The following SPTLC3 variants were observed in gnomAD, a reference collection of about 807,000 sequenced individuals.
SPTLC3 encodes serine palmitoyltransferase 3.
SPTLC3 carries 36 observed loss-of-function variants against 59.3 expected under a neutral mutation model. The ratio of observed to expected loss-of-function variants is 0.61; its 90% CI spans 0.47 to 0.80. The LOEUF is 0.80. SPTLC3 is among the 30% of genes least tolerant of loss of function. SPTLC3 has a pLI of 0.00. For synonymous variants in SPTLC3, 257 were observed against 240.8 expected, an observed-to-expected ratio of 1.07 and a Z score of -0.62; for missense variants, 625 against 685.1, an observed-to-expected ratio of 0.91 and a Z score of 0.98.
intron 1 of SPTLC3, among the ~76,000 whole-genome samples, chr20:13,021,331 T>G (rs1985870780): frequency 6.6e-6 from 1 of 152,182 alleles, no homozygotes; most frequent in Admixed American, 6.5e-5. Flanking sequence ...GATCTGATCT[T>G]GTTTCATCAT....
intron 6 of SPTLC3, among the ~76,000 whole-genome samples, chr20:13,106,746 A>G (rs1200111113): frequency 6.6e-6 from 1 of 152,192 alleles, no homozygotes; most frequent in African/African-American, 2.4e-5. Context: ...CCCAGGGCCA[A>G]CCTGAGACCA....
intron 9 of SPTLC3, among the ~76,000 whole-genome samples, chr20:13,152,056 C>A (rs1007841059): frequency 1.3e-5 from 2 of 152,074 alleles, no homozygotes; most frequent in African/African-American, 4.8e-5. Context: ...TCAGAAGAAC[C>A]AATGACCACC....
intron 2 of SPTLC3, among the ~76,000 whole-genome samples, chr20:13,071,729 G>A (rs980047217): frequency 1.3e-5 from 2 of 152,108 alleles, no homozygotes; most frequent in Non-Finnish European, 2.9e-5. Context: ...GCAACTCAGC[G>A]TTCTTACCTC....
intron 11 of SPTLC3, among the ~76,000 whole-genome samples, chr20:13,162,128 G>A (rs1288123111): frequency 6.6e-6 from 1 of 152,176 alleles, no homozygotes; most frequent in African/African-American, 2.4e-5. Flanking sequence ...AAGTCTGACT[G>A]TAGAAAGAAA....
At chr20:13,156,326 CA>C (rs2038767625) in intron 10 of SPTLC3, among the ~76,000 whole-genome samples, 1 of 152,090 alleles carries the variant, frequency 6.6e-6, no homozygotes. Flanking sequence ...AAAAATGAAC[CA>C]ACCCAATGAG....
chr20:13,022,109 A>G (rs1362116468), intron 1 of SPTLC3, among the ~76,000 whole-genome samples: 3 of 152,130 alleles, frequency 2.0e-5, no homozygotes, highest in Non-Finnish European at 4.4e-5. Context: ...TTTCCCTTAC[A>G]GTCTTCCCCA....
intron 1 of SPTLC3, among the ~76,000 whole-genome samples, chr20:13,041,050 T>C (rs1174068722): frequency 6.6e-6 from 1 of 152,200 alleles, no homozygotes; most frequent in East Asian, 1.9e-4. Flanking sequence ...TACTATAATA[T>C]GTCTGATAAC....
intron 6 of SPTLC3, among the ~76,000 whole-genome samples, chr20:13,109,349 G>T (rs775414908): frequency 3.3e-5 from 5 of 152,218 alleles, no homozygotes; most frequent in Non-Finnish European, 7.3e-5. Context: ...GTGGATTACA[G>T]TACAGACTAC....
intron 9 of SPTLC3, among the ~76,000 whole-genome samples, chr20:13,145,627 GA>G (rs914262959): frequency 5.3e-5 from 8 of 150,112 alleles, no homozygotes; most frequent in African/African-American, 1.5e-4. Flanking sequence ...TACAAAACTA[GA>G]AAAAAAAAGA....
intron 1 of SPTLC3, among the ~76,000 whole-genome samples, chr20:13,037,210 C>T (rs1010526101): frequency 6.6e-6 from 1 of 152,110 alleles, no homozygotes; most frequent in South Asian, 2.1e-4. Flanking sequence ...AATGGACGTT[C>T]CCTCACTTCC....
intron 4 of SPTLC3, among the ~76,000 whole-genome samples, chr20:13,083,660 G>T (rs1329066939): frequency 6.6e-6 from 1 of 152,174 alleles, no homozygotes; most frequent in Non-Finnish European, 1.5e-5. Flanking sequence ...ACAAACTCGA[G>T]AGTGCAAGAA....
intron 4 of SPTLC3, among the ~76,000 whole-genome samples, chr20:13,089,576 A>G (rs1212446013): frequency 1.3e-5 from 2 of 152,154 alleles, no homozygotes; most frequent in East Asian, 3.9e-4. Context: ...GACTGAGCTC[A>G]GGAGTTCGAG....
At chr20:13,065,170 C>T (rs1036977043) in intron 2 of SPTLC3, among the ~76,000 whole-genome samples, 21 of 151,328 alleles carry the variant, frequency 1.4e-4, no homozygotes, top group Admixed American at 3.3e-4. Flanking sequence ...TATTAATTGT[C>T]ATATTTAACT....
rs199615418 is a variant in SPTLC3, at chr20:13,049,103, C to T, written c.276C>T (p.Asn92=). The change falls in exon 2 of 12, where the codon AAC becomes AAT. Residue 92 remains asparagine (N), a synonymous_variant. Transcript: ENST00000399002. Reference sequence around the variant, plus strand: ...GAAACTGGGGAATAGAAAAATGCAACGCAGCTGTGGAAAGAAAAGAACAAA... The same window carrying T: ...GAAACTGGGGAATAGAAAAATGCAATGCAGCTGTGGAAAGAAAAGAACAAA... ...FLRNWGIEKC[N]AAVERKEQKD... The T allele has an allele frequency of 7.3e-5, 117 of 1,613,496 alleles. No individual in the cohort carries two copies. Among genetic ancestry groups the T allele is most frequent in the Admixed American group, 3.2e-4 (19 of 59,940 alleles).
intron 1 of SPTLC3, among the ~76,000 whole-genome samples, chr20:13,011,536 C>T (rs535106544): frequency 1.3e-5 from 2 of 152,248 alleles, no homozygotes; most frequent in Admixed American, 1.3e-4. Context: ...CCTGGCATAA[C>T]AAACATATGA....
At chr20:13,142,652 A>G (rs1340889648) in intron 9 of SPTLC3, among the ~76,000 whole-genome samples, 1 of 152,188 alleles carries the variant, frequency 6.6e-6, no homozygotes, top group African/African-American at 2.4e-5. Context: ...GGCACAGTGT[A>G]TTCTCTGCTC....
chr20:13,084,393 C>G (rs966655351), intron 4 of SPTLC3, among the ~76,000 whole-genome samples: 8 of 152,166 alleles, frequency 5.3e-5, no homozygotes, highest in Non-Finnish European at 1.0e-4. Flanking sequence ...AAATTTCCTG[C>G]TTTGGAAAAA....
intron 1 of SPTLC3, among the ~76,000 whole-genome samples, chr20:13,039,949 A>C (rs1986900361): frequency 6.6e-6 from 1 of 152,062 alleles, no homozygotes; most frequent in African/African-American, 2.4e-5. Flanking sequence ...TTATAAAATC[A>C]ACAGTACAAT....
chr20:13,033,017 A>G (rs17812097), intron 1 of SPTLC3, among the ~76,000 whole-genome samples: 8,383 of 152,280 alleles, frequency 0.055, 270 homozygotes, highest in South Asian at 0.082. Context: ...TTACAAAGAC[A>G]TGCTCAATCA....
Sources: allele counts gnomAD v4.1 joint callset (sites outside exome capture counted in the v4.1 genomes callset), GRCh38; gene constraint gnomAD v4.1.1; transcripts MANE v1.5; gene names NCBI Gene and HGNC (gene_info 2026-07-23, HGNC 2026-07-21).